Variants in FAAH2 observed in about 807,000 individuals in gnomAD.
FAAH2 encodes the protein fatty acid amide hydrolase 2.
A neutral mutation model predicts 36.9 loss-of-function variants in FAAH2; 60 were observed. The observed-to-expected ratio is 1.63, with a 90% CI of 1.32 to 2.02. FAAH2 has a LOEUF of 2.02. Among genes scored for constraint, FAAH2 ranks in the 30% most tolerant of loss-of-function variants. The pLI is 0.00. For synonymous variants in FAAH2, 214 were observed against 143.8 expected (o/e 1.49, Z -3.49); for missense variants, 689 against 397.5 (o/e 1.73, Z -6.23).
the FAAH2 span, among the ~76,000 whole-genome samples, chrX:57,130,151 G>C: frequency 8.9e-6 from 1 of 112,285 alleles, no homozygotes; most frequent in South Asian, 3.7e-4. Context: ...ATATCATCCT[G>C]TTTGAGAATG....
chrX:57,260,752 T>A, the FAAH2 span, among the ~76,000 whole-genome samples: 1 of 111,433 alleles, frequency 9.0e-6, no homozygotes, highest in South Asian at 3.7e-4. Context: ...TATGTGTGTG[T>A]GTGTGTGTAT....
chrX:57,295,608 TGCAGGACAGTG>T (rs1312195776), intron 2 of FAAH2, among the ~76,000 whole-genome samples: 3 of 111,573 alleles, frequency 2.7e-5, no homozygotes, highest in East Asian at 5.7e-4. Flanking sequence ...GGACAGTGGG[TGCAGGACAGTG>T]GGTGCAGTGC....
chrX:57,426,803 G>T (rs1428111147), intron 7 of FAAH2, among the ~76,000 whole-genome samples: 1 of 111,246 alleles, frequency 9.0e-6, no homozygotes, highest in Non-Finnish European at 1.9e-5. Context: ...GTAATAAAAA[G>T]ACTACAAATT....
chrX:57,315,538 A>C (rs1044065902), intron 3 of FAAH2, among the ~76,000 whole-genome samples: 17 of 111,654 alleles, frequency 1.5e-4, no homozygotes, highest in Admixed American at 4.8e-4. Context: ...AAATCCAGCA[A>C]CACAACAAAA....
chrX:57,221,668 A>G, the FAAH2 span, among the ~76,000 whole-genome samples: 54 of 110,955 alleles, frequency 4.9e-4, 1 homozygote, highest in East Asian at 0.012. Flanking sequence ...TTACCCATAT[A>G]CTTTACTTTC....
the FAAH2 span, among the ~76,000 whole-genome samples, chrX:57,226,014 T>C: frequency 8.9e-6 from 1 of 112,361 alleles, no homozygotes; most frequent in Admixed American, 9.4e-5. Flanking sequence ...GCCTTTACTT[T>C]AAGTTTATGT....
At chrX:57,479,389 G>T (rs1451025382) in intron 10 of FAAH2, among the ~76,000 whole-genome samples, 2 of 111,456 alleles carry the variant, frequency 1.8e-5, no homozygotes, top group Non-Finnish European at 3.8e-5. Flanking sequence ...GAGATTTTGG[G>T]CTGAGACAAT....
chrX:57,195,978 C>T, the FAAH2 span, among the ~76,000 whole-genome samples: 54 of 111,912 alleles, frequency 4.8e-4, no homozygotes, highest in Admixed American at 3.8e-3. Flanking sequence ...TTTATACCAG[C>T]GCCATGCTAT....
chrX:57,368,270 G>A (rs2054469089), intron 5 of FAAH2, among the ~76,000 whole-genome samples: 1 of 100,619 alleles, frequency 9.9e-6, no homozygotes, highest in Non-Finnish European at 2.0e-5. Flanking sequence ...GCTGTGCACA[G>A]CACAGAAGCT....
chrX:57,287,122 G>A (rs2051832782), intron 1 of FAAH2, 105 bp downstream of exon 1: 2 of 847,695 alleles, frequency 2.4e-6, no homozygotes, highest in Non-Finnish European at 3.2e-6. Flanking sequence ...CTCTACTAGG[G>A]CGACTTAGGA....
the FAAH2 span, among the ~76,000 whole-genome samples, chrX:57,267,122 G>A: frequency 1.8e-5 from 2 of 112,543 alleles, no homozygotes; most frequent in Non-Finnish European, 3.8e-5. Context: ...GCTCCAGCAA[G>A]GTGGCCCCTA....
intron 10 of FAAH2, among the ~76,000 whole-genome samples, chrX:57,469,168 A>T (rs1485459872): frequency 1.8e-5 from 2 of 112,161 alleles, no homozygotes; most frequent in South Asian, 3.7e-4. Context: ...AGACCTTCAA[A>T]GCTAGGAAGA....
At chrX:57,237,689 C>G in the FAAH2 span, among the ~76,000 whole-genome samples, 1 of 110,455 alleles carries the variant, frequency 9.1e-6, no homozygotes. Flanking sequence ...AGCAAAAAAA[C>G]CTATCAACCA....
At chrX:57,462,165 C>A (rs1229995224) in intron 10 of FAAH2, among the ~76,000 whole-genome samples, 64 of 51,762 alleles carry the variant, frequency 1.2e-3, no homozygotes, top group Middle Eastern at 0.012. Context: ...TAATAGCCTA[C>A]AAAAAAAAAA....
chrX:57,139,311 G>T, the FAAH2 span, among the ~76,000 whole-genome samples: 1 of 112,246 alleles, frequency 8.9e-6, no homozygotes, highest in Non-Finnish European at 1.9e-5. Context: ...ATTACAGAGA[G>T]TGTCCTTTCT....
the FAAH2 span, among the ~76,000 whole-genome samples, chrX:57,225,108 A>G: frequency 1.8e-5 from 2 of 110,560 alleles, no homozygotes; most frequent in African/African-American, 6.6e-5. Flanking sequence ...TGTTTCATTT[A>G]TCTTTCGTAA....
At chrX:57,202,728 A>G in the FAAH2 span, among the ~76,000 whole-genome samples, 1 of 111,925 alleles carries the variant, frequency 8.9e-6, no homozygotes, top group Non-Finnish European at 1.9e-5. Flanking sequence ...TCAGTGAAGC[A>G]TGTTCCCCAA....
intron 10 of FAAH2, among the ~76,000 whole-genome samples, chrX:57,480,166 C>T (rs867591213): frequency 2.7e-5 from 3 of 111,129 alleles, no homozygotes; most frequent in Admixed American, 9.6e-5. Flanking sequence ...GTTTCACAGC[C>T]GAATTCTACC....
chrX:57,448,502 G>A, intron 9 of FAAH2, 22 bp from the exon 10 acceptor site: 1 of 1,178,546 alleles, frequency 8.5e-7, no homozygotes, highest in Non-Finnish European at 1.1e-6. Flanking sequence ...ACCTTAACTT[G>A]ATATATGATA....
Sources: gnomAD v4.1 joint callset for allele counts (sites outside exome capture counted in the v4.1 genomes callset) on GRCh38, gnomAD v4.1.1 for gene constraint, MANE v1.5 for transcripts, NCBI Gene and HGNC (gene_info 2026-07-23, HGNC 2026-07-21) for gene names.